Variants in SCGN observed in about 807,000 individuals in gnomAD.
SCGN encodes secretagogin, EF-hand calcium binding protein, also known as secretagogin.
In SCGN, 30 loss-of-function variants were observed where a neutral mutation model predicts 39.7. The observed-to-expected ratio is 0.76, with a 90% confidence interval of 0.57 to 1.03. The LOEUF is 1.03. Ranked by LOEUF, SCGN falls within the 50% of genes least tolerant of loss-of-function variation. SCGN has a pLI of 0.00. For synonymous variants in SCGN, 106 were observed against 114.1 expected, an observed-to-expected ratio of 0.93 and a Z score of 0.45; for missense variants, 353 against 349.4, an observed-to-expected ratio of 1.01 and a Z score of -0.08.
At chr6:25,655,407 C>T (rs1187151710) in intron 2 of SCGN, among the ~76,000 whole-genome samples, 1 of 152,218 alleles carries the variant, frequency 6.6e-6, no homozygotes, top group Admixed American at 6.5e-5. Flanking sequence ...GCATTGTTGC[C>T]ATTGTGAGAG....
intron 6 of SCGN, among the ~76,000 whole-genome samples, chr6:25,676,201 C>A (rs1329110508): frequency 2.0e-5 from 3 of 152,234 alleles, no homozygotes; most frequent in African/African-American, 7.2e-5. Flanking sequence ...ACAATTATTT[C>A]TCAACTGAAT....
At chr6:25,674,690 C>T (rs951010120) in intron 6 of SCGN, among the ~76,000 whole-genome samples, 4 of 152,146 alleles carry the variant, frequency 2.6e-5, no homozygotes, top group Non-Finnish European at 4.4e-5. Context: ...CTGGCTGAAG[C>T]ATGACTAATG....
intron 2 of SCGN, among the ~76,000 whole-genome samples, chr6:25,656,876 A>G (rs1401853824): frequency 6.6e-6 from 1 of 152,194 alleles, no homozygotes; most frequent in South Asian, 2.1e-4. Flanking sequence ...AACATGACCT[A>G]TGTTAGTTAA....
intron 10 of SCGN, among the ~76,000 whole-genome samples, chr6:25,699,845 T>C (rs1759886162): frequency 6.6e-6 from 1 of 152,090 alleles, no homozygotes; most frequent in South Asian, 2.1e-4. Flanking sequence ...GATTGGTTGG[T>C]TCGGGTGAGC....
At chr6:25,678,413 C>G (rs1271883143) in intron 6 of SCGN, among the ~76,000 whole-genome samples, 1 of 152,124 alleles carries the variant, frequency 6.6e-6, no homozygotes, top group Non-Finnish European at 1.5e-5. Flanking sequence ...TATTGAATGT[C>G]TATATGTACT....
intron 2 of SCGN, among the ~76,000 whole-genome samples, chr6:25,654,368 G>T (rs1226852155): frequency 6.6e-6 from 1 of 152,156 alleles, no homozygotes; most frequent in Non-Finnish European, 1.5e-5. Context: ...GCTGGCTTCC[G>T]CCTTCTTCAG....
intron 10 of SCGN, among the ~76,000 whole-genome samples, 184 bp from the exon 11 acceptor site, chr6:25,701,023 T>C (rs1041372472): frequency 2.6e-5 from 4 of 152,196 alleles, no homozygotes; most frequent in African/African-American, 9.7e-5. Flanking sequence ...GAAATGAAGC[T>C]GTTGGCAGAA....
intron 6 of SCGN, among the ~76,000 whole-genome samples, chr6:25,677,501 C>G (rs1344318074): frequency 3.3e-5 from 5 of 151,924 alleles, no homozygotes; most frequent in African/African-American, 1.2e-4. Flanking sequence ...CAATAATTTC[C>G]AGGCAGGAAT....
At position 25,653,805 on chromosome 6, in the gene SCGN, G is replaced by C. The variant is rs539998808; in HGVS notation, c.153+353G>C. Among the ~76,000 whole-genome samples, 16 of 152,308 alleles carry C rather than the reference G, an allele frequency of 1.1e-4. No homozygotes were observed. The South Asian group carries it at 2.5e-3, about 24-fold the overall frequency. On this transcript the variant is annotated intron_variant, in intron 2 of 10. Coordinates refer to ENST00000377961, the MANE Select transcript of SCGN (RefSeq NM_006998.4). The stretch of plus-strand genomic sequence containing the variant: ...CCACTTTGTTCAAAAAGCTGGAAAA[G>C]ATGTTAAGCACATTAAGATTTTGGG...
chr6:25,698,974 T>G (rs1419328820), intron 10 of SCGN, among the ~76,000 whole-genome samples: 1 of 152,216 alleles, frequency 6.6e-6, no homozygotes, highest in Non-Finnish European at 1.5e-5. Flanking sequence ...TTAACGAGTC[T>G]TAACGTGGCT....
intron 7 of SCGN, among the ~76,000 whole-genome samples, chr6:25,687,168 T>C (rs986636477): frequency 2.6e-5 from 4 of 152,184 alleles, no homozygotes; most frequent in Non-Finnish European, 5.9e-5. Flanking sequence ...TTGGCTATCC[T>C]GGTTCATTTG....
At chr6:25,674,382 G>C (rs1759539192) in intron 6 of SCGN, among the ~76,000 whole-genome samples, 1 of 152,076 alleles carries the variant, frequency 6.6e-6, no homozygotes, top group South Asian at 2.1e-4. Context: ...ACAGATTTTG[G>C]AACTTGACAG....
intron 1 of SCGN, among the ~76,000 whole-genome samples, chr6:25,652,861 C>T (rs1424398776): frequency 3.9e-5 from 6 of 152,088 alleles, no homozygotes; most frequent in Admixed American, 6.6e-5. Flanking sequence ...CTCACTTTTA[C>T]GCAGTGACTT....
At chr6:25,681,911 T>A in intron 6 of SCGN, 40 bp from the exon 7 acceptor site, 1 of 1,530,062 alleles carries the variant, frequency 6.5e-7, no homozygotes, top group Non-Finnish European at 9.1e-7. Context: ...CAGAATTAGT[T>A]CCTGTTACAA....
chr6:25,663,422 G>C (rs1760374140), intron 3 of SCGN, among the ~76,000 whole-genome samples: 1 of 152,142 alleles, frequency 6.6e-6, no homozygotes, highest in Non-Finnish European at 1.5e-5. Context: ...ATTTCTCTGA[G>C]CTCAATTTTA....
intron 7 of SCGN, among the ~76,000 whole-genome samples, chr6:25,683,397 C>T (rs1261503576): frequency 6.6e-6 from 1 of 152,156 alleles, no homozygotes; most frequent in Admixed American, 6.5e-5. Context: ...CCACCTGTGC[C>T]CTGACTCAGT....
intron 6 of SCGN, among the ~76,000 whole-genome samples, chr6:25,678,373 A>C (rs928304916): frequency 1.3e-5 from 2 of 152,146 alleles, no homozygotes; most frequent in African/African-American, 2.4e-5. Flanking sequence ...GCCTATATTT[A>C]TTTTCTTTTT....
At position 25,699,553 on chromosome 6, in the gene SCGN, G is replaced by A. The variant is rs1213251421; in HGVS notation, c.703-1654G>A. On this transcript the variant is annotated intron_variant, in intron 10 of 10. Coordinates refer to ENST00000377961, the MANE Select transcript of SCGN (RefSeq NM_006998.4). ...TGCAATGAGCTGAGATGGCACCACT[G>A]CACTCCAGCTTGGTGACAAGACTGA... is the stretch of plus-strand genomic sequence containing the variant. 4.3e-5 allele frequency among the ~76,000 whole-genome samples: 6 copies of A among 139,024 alleles called. No individual in the cohort carries two copies. In the East Asian group the frequency reaches 1.3e-3, roughly 29 times the overall value. The allele number at this position is 139,024 out of a possible 152,430, so 91.2% of individuals were successfully genotyped here. A position where few individuals can be genotyped will look rare whatever the true frequency, so the allele number is the denominator to read the frequency against.
chr6:25,688,801 C>CAAAAAA (rs10626691), intron 7 of SCGN, among the ~76,000 whole-genome samples: 126 of 103,120 alleles, frequency 1.2e-3, no homozygotes, highest in East Asian at 6.1e-3. Context: ...GATTCTGTCT[C>CAAAAAA]AAAAAAAAAA....
Sources: allele counts gnomAD v4.1 joint callset (sites outside exome capture counted in the v4.1 genomes callset), GRCh38; gene constraint gnomAD v4.1.1; transcripts MANE v1.5; gene names NCBI Gene and HGNC (gene_info 2026-07-23, HGNC 2026-07-21).